The following DAB1 variants were observed in gnomAD, a reference collection of about 807,000 sequenced individuals.
DAB1 encodes the protein DAB adaptor protein 1.
Under a neutral mutation model 64.6 loss-of-function variants are expected in DAB1, and 15 were observed. That is an observed-to-expected ratio of 0.23 (90% CI 0.16 to 0.36). The LOEUF is 0.36. Among genes scored for constraint, DAB1 ranks in the 10% least tolerant of loss-of-function variants. The pLI, the probability that DAB1 is intolerant of heterozygous loss-of-function variation, is 1.00. For missense variants in DAB1, 596 were observed against 706.7 expected (o/e 0.84, Z 1.78); for synonymous variants, 235 against 251.9 (o/e 0.93, Z 0.64).
chr1:57,497,485 G>T (rs1644244118), intron 7 of DAB1, among the ~76,000 whole-genome samples: 1 of 152,152 alleles, frequency 6.6e-6, no homozygotes, highest in Admixed American at 6.5e-5. Context: ...TGCCCTCATG[G>T]AGTTTCTAGT....
At chr1:57,051,610 A>T (rs1032489111) in intron 9 of DAB1, among the ~76,000 whole-genome samples, 3 of 152,182 alleles carry the variant, frequency 2.0e-5, no homozygotes, top group Non-Finnish European at 2.9e-5. Flanking sequence ...GCAGGATGGG[A>T]TGCAGGGTGG....
intron 3 of DAB1, among the ~76,000 whole-genome samples, chr1:58,479,217 G>A (rs1024757854): frequency 1.3e-5 from 2 of 152,134 alleles, no homozygotes. Flanking sequence ...GTGTTTTACT[G>A]TTTACCTTTA....
At chr1:57,488,060 C>A (rs1644114007) in intron 7 of DAB1, among the ~76,000 whole-genome samples, 1 of 151,996 alleles carries the variant, frequency 6.6e-6, no homozygotes, top group Non-Finnish European at 1.5e-5. Flanking sequence ...TATAATTAGG[C>A]TGACTTAAAA....
intron 6 of DAB1, among the ~76,000 whole-genome samples, chr1:57,819,771 T>C (rs1443204282): frequency 6.6e-6 from 1 of 152,196 alleles, no homozygotes; most frequent in Non-Finnish European, 1.5e-5. Context: ...GGAAAATATT[T>C]AGCCATTTAA....
chr1:58,388,274 C>T (rs1163801530), intron 3 of DAB1, among the ~76,000 whole-genome samples: 1 of 152,170 alleles, frequency 6.6e-6, no homozygotes, highest in Non-Finnish European at 1.5e-5. Flanking sequence ...AGACCATGTA[C>T]CTACCTAGAA....
intron 7 of DAB1, among the ~76,000 whole-genome samples, chr1:57,569,554 A>C (rs1362043179): frequency 6.7e-6 from 1 of 150,094 alleles, no homozygotes; most frequent in Non-Finnish European, 1.5e-5. Flanking sequence ...CAATGAGAAC[A>C]CTCGGACACA....
chr1:58,151,867 C>T (rs996642148), intron 4 of DAB1, among the ~76,000 whole-genome samples: 4 of 152,124 alleles, frequency 2.6e-5, no homozygotes, highest in East Asian at 1.9e-4. Context: ...ATTGGAAGAA[C>T]GGTTGAAGCA....
chr1:57,866,281 T>A (rs929812837), intron 1 of DAB1: 4 of 152,308 alleles, frequency 2.6e-5, no homozygotes, highest in African/African-American at 9.6e-5. Context: ...CTGTTGTTAC[T>A]GTTACCGCTC....
intron 4 of DAB1, among the ~76,000 whole-genome samples, chr1:57,073,747 G>T (rs1288070658): frequency 6.6e-6 from 1 of 151,974 alleles, no homozygotes; most frequent in Non-Finnish European, 1.5e-5. Context: ...GATCCTTAGG[G>T]GTCATTAAAT....
At chr1:57,609,195 T>A (rs185993842) in intron 7 of DAB1, among the ~76,000 whole-genome samples, 32 of 152,270 alleles carry the variant, frequency 2.1e-4, no homozygotes, top group African/African-American at 7.5e-4. Flanking sequence ...GTTCTCCGTA[T>A]CTGTGGGTTC....
chr1:57,587,576 G>A (rs573498818), intron 7 of DAB1, among the ~76,000 whole-genome samples: 9 of 152,212 alleles, frequency 5.9e-5, no homozygotes, highest in African/African-American at 2.2e-4. Flanking sequence ...TGTACCATGG[G>A]TCCCTTACCA....
rs1646886784 is a variant in DAB1, at chr1:58,025,798, A to T, written n.387+124713T>A. On this transcript the variant is annotated intron_variant and non_coding_transcript_variant, in intron 5 of 20. Coordinates refer to the DAB1 transcript ENST00000485760. The stretch of plus-strand genomic sequence containing the variant: ...CTATCAATAAAATCCAATTTCCTTA[A>T]GATAGCATCCAAGTCCCTCTAAACT... Among the ~76,000 whole-genome samples the T allele has an allele frequency of 2.0e-5, 3 of 151,234 alleles. No individual in the cohort carries two copies. The South Asian group carries it at 6.3e-4, about 32-fold the overall frequency.
At chr1:57,903,394 G>A (rs757193023) in intron 5 of DAB1, among the ~76,000 whole-genome samples, 3 of 152,078 alleles carry the variant, frequency 2.0e-5, no homozygotes, top group Non-Finnish European at 4.4e-5. Flanking sequence ...AGACATGTAG[G>A]TTCCTTTTTG....
intron 7 of DAB1, among the ~76,000 whole-genome samples, chr1:57,606,564 T>A (rs371676676): frequency 4.6e-5 from 3 of 65,826 alleles, no homozygotes; most frequent in South Asian, 4.3e-4. Flanking sequence ...ATATTATATA[T>A]TATATATGAA....
intron 1 of DAB1, among the ~76,000 whole-genome samples, chr1:57,333,807 T>C (rs1676870403): frequency 6.6e-6 from 1 of 152,242 alleles, no homozygotes; most frequent in African/African-American, 2.4e-5. Flanking sequence ...TTTGTTCTTA[T>C]TATAATCTGT....
At chr1:58,012,725 C>G (rs1646685858) in intron 5 of DAB1, among the ~76,000 whole-genome samples, 1 of 152,136 alleles carries the variant, frequency 6.6e-6, no homozygotes, top group Non-Finnish European at 1.5e-5. Context: ...GGAAGTGGCC[C>G]TCACCAGACA....
At chr1:57,781,114 CTCTCTCTCTCTCTATATATATATA>C (rs1230011079) in intron 6 of DAB1, among the ~76,000 whole-genome samples, 32 of 62,740 alleles carry the variant, frequency 5.1e-4, no homozygotes, top group African/African-American at 1.3e-3. Flanking sequence ...CTCTCTCTCT[CTCTCTCTCTCTCTATATATATATA>C]TATATATATA....
At chr1:58,323,978 T>TA (rs138333693) in intron 4 of DAB1, among the ~76,000 whole-genome samples, 4,189 of 150,194 alleles carry the variant, frequency 0.028, 218 homozygotes, top group East Asian at 0.23. Flanking sequence ...AACCATCAAT[T>TA]AAAAAAAAAT....
intron 9 of DAB1, among the ~76,000 whole-genome samples, chr1:57,057,094 G>T (rs1219409370): frequency 6.6e-6 from 1 of 152,102 alleles, no homozygotes; most frequent in Non-Finnish European, 1.5e-5. Flanking sequence ...TTAGTGAAAA[G>T]ATTCAAGGGA....
Sources: gnomAD v4.1 joint callset for allele counts (sites outside exome capture counted in the v4.1 genomes callset) on GRCh38, gnomAD v4.1.1 for gene constraint, MANE v1.5 for transcripts, NCBI Gene and HGNC (gene_info 2026-07-23, HGNC 2026-07-21) for gene names.